The following DNAAF11 variants were observed in gnomAD, a reference collection of about 807,000 sequenced individuals.
DNAAF11 encodes dynein axonemal assembly factor 11, also known as leucine rich repeat containing 6.
In DNAAF11, 45 loss-of-function variants were observed where a neutral mutation model predicts 60.8. That is an observed-to-expected ratio of 0.74 (90% CI 0.58 to 0.95). The LOEUF is 0.95. Ranked by LOEUF, DNAAF11 falls within the 40% of genes least tolerant of loss-of-function variation. The pLI, the probability that DNAAF11 is intolerant of heterozygous loss-of-function variation, is 0.00. For synonymous variants in DNAAF11, 191 were observed against 183.5 expected, an observed-to-expected ratio of 1.04 and a Z score of -0.33; for missense variants, 546 against 546.2, an observed-to-expected ratio of 1.00 and a Z score of 0.00.
At chr8:132,677,109 CCACTGACACGCTGA>C (rs1368432294), upstream of DNAAF11, among the ~76,000 whole-genome samples, 1 of 152,184 alleles carries the variant, frequency 6.6e-6, no homozygotes. Flanking sequence ...TGTGGTCGTG[CCACTGACACGCTGA>C]CACTGACACG....
the DNAAF11 span, among the ~76,000 whole-genome samples, chr8:132,696,702 T>C: frequency 4.0e-3 from 615 of 152,300 alleles, 5 homozygotes; most frequent in African/African-American, 0.013. Context: ...TGGAATACTA[T>C]GCAGCCATAA....
At chr8:132,617,441 CTCTG>C (rs1819285265) in intron 7 of DNAAF11, among the ~76,000 whole-genome samples, 1 of 152,150 alleles carries the variant, frequency 6.6e-6, no homozygotes, top group Admixed American at 6.5e-5. Context: ...TGATTTGGCT[CTCTG>C]TCTGTTGTTG....
chr8:132,587,402 A>G (rs987320032), intron 10 of DNAAF11, among the ~76,000 whole-genome samples: 8 of 152,136 alleles, frequency 5.3e-5, no homozygotes, highest in African/African-American at 1.9e-4. Flanking sequence ...AACATTCATA[A>G]TAACACTGAA....
At chr8:132,664,136 C>CT (rs1824397973) in intron 1 of DNAAF11, among the ~76,000 whole-genome samples, 1 of 152,212 alleles carries the variant, frequency 6.6e-6, no homozygotes, top group African/African-American at 2.4e-5. Flanking sequence ...TAGGCCTTTA[C>CT]TTATACTCTT....
chr8:132,642,157 C>T (rs1234339534), intron 3 of DNAAF11, among the ~76,000 whole-genome samples: 3 of 152,160 alleles, frequency 2.0e-5, no homozygotes, highest in African/African-American at 7.2e-5. Context: ...GCATAATTTT[C>T]TCAAATGTTG....
intron 3 of DNAAF11, chr8:132,643,607 A>C (rs1320642768): frequency 2.2e-6 from 1 of 455,906 alleles, no homozygotes; most frequent in Non-Finnish European, 4.4e-6. Context: ...GAGGGTGGGT[A>C]GGAGAAAATT....
chr8:132,645,570 A>G lies in DNAAF11; in HGVS notation c.257-7463T>C, dbSNP rs1325595623. Among the ~76,000 whole-genome samples the G allele has an allele frequency of 7.2e-5, 11 of 152,328 alleles. No individual in the cohort carries two copies. The East Asian group carries it at 2.1e-3, about 29-fold the overall frequency. On this transcript the variant is annotated intron_variant, in intron 3 of 11. Transcript: ENST00000620350. ...GAGCTAAAGGAGGATGTTTGAACCTATCGCAAAGAAGCTAAAAACCTTGAA... is the reference window on the plus strand; with the variant it reads ...GAGCTAAAGGAGGATGTTTGAACCTGTCGCAAAGAAGCTAAAAACCTTGAA...
chr8:132,600,246 C>G (rs1166762999), intron 10 of DNAAF11, among the ~76,000 whole-genome samples: 13 of 152,104 alleles, frequency 8.5e-5, no homozygotes. Flanking sequence ...AGGAGAACTA[C>G]AAACCACTGC....
intron 2 of DNAAF11, among the ~76,000 whole-genome samples, chr8:132,657,852 G>C (rs901045505): frequency 6.6e-6 from 1 of 152,176 alleles, no homozygotes; most frequent in Non-Finnish European, 1.5e-5. Context: ...CCAAGGTACA[G>C]AGAATTAATT....
At chr8:132,577,895 G>A (rs894119001) in intron 11 of DNAAF11, among the ~76,000 whole-genome samples, 10 of 151,540 alleles carry the variant, frequency 6.6e-5, no homozygotes, top group African/African-American at 9.7e-5. Context: ...TTGAACTTCC[G>A]ACCTCAGGTG....
chr8:132,645,620 G>C (rs1257530856), intron 3 of DNAAF11, among the ~76,000 whole-genome samples: 3 of 152,088 alleles, frequency 2.0e-5, no homozygotes. Flanking sequence ...TGGCTAACTA[G>C]AATAAACAGC....
chr8:132,627,308 C>A (rs1307178988), intron 5 of DNAAF11, among the ~76,000 whole-genome samples: 1 of 152,136 alleles, frequency 6.6e-6, no homozygotes, highest in African/African-American at 2.4e-5. Flanking sequence ...AATAACAGTA[C>A]TTAAGAAATT....
intron 3 of DNAAF11, chr8:132,643,463 T>C: frequency 2.9e-6 from 1 of 348,160 alleles, no homozygotes. Flanking sequence ...GGCCAGAGAT[T>C]AGATGTGGGA....
intron 1 of DNAAF11, among the ~76,000 whole-genome samples, chr8:132,665,583 A>G (rs1046992113): frequency 2.0e-5 from 3 of 152,214 alleles, no homozygotes; most frequent in East Asian, 1.9e-4. Flanking sequence ...TATTATTATG[A>G]AAGTCATAAA....
intron 5 of DNAAF11, among the ~76,000 whole-genome samples, chr8:132,630,892 T>A (rs1320936686): frequency 6.6e-6 from 1 of 152,182 alleles, no homozygotes; most frequent in South Asian, 2.1e-4. Context: ...TTATCCAGTA[T>A]TGGCAAAGAC....
the DNAAF11 span, among the ~76,000 whole-genome samples, chr8:132,687,965 A>C: frequency 6.6e-6 from 1 of 152,202 alleles, no homozygotes; most frequent in African/African-American, 2.4e-5. Context: ...AAGTTACTTC[A>C]TGTAAACAAT....
At chr8:132,687,568 C>A in the DNAAF11 span, 2 of 455,792 alleles carry the variant, frequency 4.4e-6, no homozygotes, top group African/African-American at 4.0e-5. Flanking sequence ...CGGACCCACA[C>A]CTTCGTTGAG....
upstream of DNAAF11, among the ~76,000 whole-genome samples, chr8:132,677,712 CT>C (rs1825809627): frequency 6.6e-6 from 1 of 152,100 alleles, no homozygotes; most frequent in Admixed American, 6.5e-5. Flanking sequence ...GCACTCCATC[CT>C]GGGCGACATA....
intron 3 of DNAAF11, among the ~76,000 whole-genome samples, chr8:132,639,116 G>A (rs1211970034): frequency 1.3e-5 from 2 of 152,204 alleles, no homozygotes; most frequent in Non-Finnish European, 2.9e-5. Context: ...ATAGCTCAAT[G>A]AGCACTCTAA....
Sources: gnomAD v4.1 joint callset for allele counts (sites outside exome capture counted in the v4.1 genomes callset) on GRCh38, gnomAD v4.1.1 for gene constraint, MANE v1.5 for transcripts, NCBI Gene and HGNC (gene_info 2026-07-23, HGNC 2026-07-21) for gene names.